Variants in MYO1H observed in about 807,000 individuals in gnomAD.
The protein encoded by MYO1H is unconventional myosin-Ih.
Under a neutral mutation model 149.3 loss-of-function variants are expected in MYO1H, and 118 were observed. That is an observed-to-expected ratio of 0.79 (90% CI 0.68 to 0.92). MYO1H has a LOEUF of 0.92. Among genes scored for constraint, MYO1H ranks in the 40% least tolerant of loss-of-function variants. The pLI is 0.00. For synonymous variants in MYO1H, 447 were observed against 465.2 expected (o/e 0.96, Z 0.50); for missense variants, 1,212 against 1,280.7 (o/e 0.95, Z 0.82).
At chr12:109,360,680 T>A (rs1868725729) in intron 1 of MYO1H, among the ~76,000 whole-genome samples, 1 of 152,102 alleles carries the variant, frequency 6.6e-6, no homozygotes, top group Non-Finnish European at 1.5e-5. Context: ...TCTATAGTCT[T>A]GCTCTTTCTC....
the MYO1H span, among the ~76,000 whole-genome samples, chr12:109,342,852 T>A: frequency 6.6e-6 from 1 of 151,842 alleles, no homozygotes; most frequent in African/African-American, 2.4e-5. Context: ...CCAGAGATAA[T>A]TTCAAAGCTT....
At chr12:109,350,639 A>G (rs1868444546) in intron 1 of MYO1H, among the ~76,000 whole-genome samples, 1 of 152,192 alleles carries the variant, frequency 6.6e-6, no homozygotes, top group South Asian at 2.1e-4. Context: ...GCTCCCTGTC[A>G]GATAATGAGG....
In MYO1H at chr12:109,405,810, CG is replaced by C. The variant is rs146123712; in HGVS notation, c.850-107del. 1,520 of 735,358 alleles carry C rather than the reference CG, an allele frequency of 2.1e-3. 2 individuals carry two copies. Among genetic ancestry groups the C allele is most frequent in the Non-Finnish European group, 3.0e-3 (1,276 of 423,860 alleles). The allele number at this position is 735,358 out of a possible 1,614,324, so 45.6% of individuals were successfully genotyped here. A position where few individuals can be genotyped will look rare whatever the true frequency, so the allele number is the denominator to read the frequency against. On this transcript the variant is annotated intron_variant, in intron 7 of 31. Transcript: ENST00000310903. ...TGTGGGCTCAGGTGTGGAATTGGGACGGGGGCATTTTTCCTTCAGGTGTCTC... is the reference window on the plus strand; with the variant it reads ...TGTGGGCTCAGGTGTGGAATTGGGACGGGGCATTTTTCCTTCAGGTGTCTC...
At chr12:109,406,675 T>G (rs1870409011) in intron 8 of MYO1H, 114 bp from the exon 9 acceptor site, 1 of 937,268 alleles carries the variant, frequency 1.1e-6, no homozygotes, top group East Asian at 2.5e-5. Context: ...GAGCTATGAT[T>G]GTGCCACCAC....
At chr12:109,441,940 G>A (rs909517915) in intron 26 of MYO1H, among the ~76,000 whole-genome samples, 8 of 152,090 alleles carry the variant, frequency 5.3e-5, no homozygotes, top group African/African-American at 7.2e-5. Flanking sequence ...CCAACTACTC[G>A]GGAGGCAGAG....
chr12:109,357,623 C>T (rs1225316401), intron 1 of MYO1H, among the ~76,000 whole-genome samples: 3 of 152,148 alleles, frequency 2.0e-5, no homozygotes, highest in African/African-American at 7.2e-5. Context: ...ATAATTTTCT[C>T]ATGCCATGAA....
At chr12:109,337,707 G>A in the MYO1H span, among the ~76,000 whole-genome samples, 1 of 152,152 alleles carries the variant, frequency 6.6e-6, no homozygotes. Context: ...TACAATTCAA[G>A]ATGAGATTTG....
chr12:109,319,921 TTTTTG>T, the MYO1H span, among the ~76,000 whole-genome samples: 16 of 152,156 alleles, frequency 1.1e-4, no homozygotes, highest in African/African-American at 2.9e-4. Flanking sequence ...GAACAGATTG[TTTTTG>T]TTTTGTTTTG....
At chr12:109,427,909 A>AATATATATATATATAT (rs1555254297) in intron 19 of MYO1H, among the ~76,000 whole-genome samples, 34 of 16,394 alleles carry the variant, frequency 2.1e-3, no homozygotes, top group East Asian at 4.2e-3. Context: ...AAAAAAAAAA[A>AATATATATATATATAT]ATATATATAT....
the MYO1H span, among the ~76,000 whole-genome samples, chr12:109,337,706 A>G: frequency 6.6e-6 from 1 of 152,176 alleles, no homozygotes; most frequent in Non-Finnish European, 1.5e-5. Flanking sequence ...CTACAATTCA[A>G]GATGAGATTT....
upstream of MYO1H, among the ~76,000 whole-genome samples, chr12:109,347,077 G>T (rs572042609): frequency 4.0e-4 from 61 of 152,116 alleles, no homozygotes; most frequent in African/African-American, 1.4e-3. Flanking sequence ...GAGGTCAGTC[G>T]CTGGACCCAC....
intron 1 of MYO1H, among the ~76,000 whole-genome samples, chr12:109,384,373 G>T (rs557501421): frequency 6.6e-6 from 1 of 152,202 alleles, no homozygotes; most frequent in East Asian, 1.9e-4. Context: ...ATTTTCTTAG[G>T]TGTAATTGAA....
At chr12:109,442,307 T>G in intron 27 of MYO1H, 35 bp downstream of exon 27, 1 of 1,595,266 alleles carries the variant, frequency 6.3e-7, no homozygotes, top group Non-Finnish European at 8.6e-7. Flanking sequence ...TCAAACAGGA[T>G]TCCCTCATCG....
At chr12:109,342,847 G>A in the MYO1H span, among the ~76,000 whole-genome samples, 1 of 151,940 alleles carries the variant, frequency 6.6e-6, no homozygotes, top group African/African-American at 2.4e-5. Flanking sequence ...CTGGCCCAGA[G>A]ATAATTTCAA....
At chr12:109,407,266 T>G (rs1870435754) in intron 9 of MYO1H, among the ~76,000 whole-genome samples, 1 of 152,132 alleles carries the variant, frequency 6.6e-6, no homozygotes, top group Non-Finnish European at 1.5e-5. Context: ...TCAACATGAC[T>G]GTGATTCTTT....
In MYO1H at chr12:109,444,201, A is replaced by G. The variant is rs1566045945; in HGVS notation, c.2825-12A>G. On this transcript the variant is annotated splice_polypyrimidine_tract_variant and intron_variant, in intron 28 of 31. Coordinates refer to ENST00000310903, the Ensembl canonical transcript of MYO1H. Reference sequence around the variant, plus strand: ...TCTAGTTCTTGGCTCCTAACTCTGGATCTGTCTTAAGGTGTCTCCACTAGC... The same window carrying G: ...TCTAGTTCTTGGCTCCTAACTCTGGGTCTGTCTTAAGGTGTCTCCACTAGC... 6.2e-7 allele frequency: 1 copy of G among 1,610,012 alleles called. No homozygotes were observed. Among genetic ancestry groups the G allele is most frequent in the East Asian group, 2.2e-5 (1 of 44,854 alleles).
At chr12:109,328,157 CGT>C in the MYO1H span, among the ~76,000 whole-genome samples, 59 of 142,542 alleles carry the variant, frequency 4.1e-4, no homozygotes, top group South Asian at 2.2e-4. Context: ...TATATATATG[CGT>C]GTGTGTGTGT....
At chr12:109,352,081 C>G (rs1249783974) in intron 1 of MYO1H, among the ~76,000 whole-genome samples, 1 of 152,124 alleles carries the variant, frequency 6.6e-6, no homozygotes, top group Non-Finnish European at 1.5e-5. Context: ...TCAATACAGT[C>G]CAGAAGATGA....
At chr12:109,334,682 T>C in the MYO1H span, among the ~76,000 whole-genome samples, 1 of 152,206 alleles carries the variant, frequency 6.6e-6, no homozygotes, top group Non-Finnish European at 1.5e-5. Flanking sequence ...TACAGATATT[T>C]TCCCTCTTCT....
Sources: allele counts gnomAD v4.1 joint callset (sites outside exome capture counted in the v4.1 genomes callset), GRCh38; gene constraint gnomAD v4.1.1; transcripts MANE v1.5; gene names NCBI Gene and HGNC (gene_info 2026-07-23, HGNC 2026-07-21).